KIF6: variants seen among roughly 807,000 people sequenced by gnomAD.
KIF6 encodes kinesin family member 6, also known as kinesin-like protein KIF6.
In KIF6, 106 loss-of-function variants were observed where a neutral mutation model predicts 112.7. The observed-to-expected ratio is 0.94, with a 90% CI of 0.80 to 1.11. KIF6 has a LOEUF of 1.11. Among genes scored for constraint, KIF6 ranks in the 50% least tolerant of loss-of-function variants. The probability of loss-of-function intolerance (pLI) is 0.00; values close to 1 mark genes in which losing one functional copy is unlikely to be tolerated. For missense variants in KIF6, 929 were observed against 964.0 expected (o/e 0.96, Z 0.48); for synonymous variants, 339 against 339.9 (o/e 1.00, Z 0.03).
intron 3 of KIF6, among the ~76,000 whole-genome samples, chr6:39,645,592 A>C (rs1433879911): frequency 6.6e-6 from 1 of 152,122 alleles, no homozygotes; most frequent in African/African-American, 2.4e-5. Flanking sequence ...ATCGATGTTC[A>C]TCAGGGATAT....
chr6:39,464,078 C>T (rs1773644763), intron 13 of KIF6, among the ~76,000 whole-genome samples: 1 of 152,112 alleles, frequency 6.6e-6, no homozygotes. Context: ...GATAGACTGG[C>T]AGGGGCCAGG....
At chr6:39,410,462 T>C (rs1769402796) in intron 15 of KIF6, among the ~76,000 whole-genome samples, 1 of 152,160 alleles carries the variant, frequency 6.6e-6, no homozygotes, top group Admixed American at 6.5e-5. Flanking sequence ...CCTAAATGAG[T>C]TGAGTGTGAA....
intron 18 of KIF6, among the ~76,000 whole-genome samples, chr6:39,359,235 T>C (rs1162486353): frequency 6.6e-6 from 1 of 152,200 alleles, no homozygotes; most frequent in Non-Finnish European, 1.5e-5. Flanking sequence ...GATCTGATTG[T>C]GCGTATTTTA....
intron 15 of KIF6, 135 bp from the exon 16 acceptor site, chr6:39,385,807 C>T (rs1213980648): frequency 3.0e-6 from 2 of 669,498 alleles, no homozygotes; most frequent in South Asian, 1.8e-5. Context: ...GCATAGCTTC[C>T]AAGAAATGAC....
intron 13 of KIF6, among the ~76,000 whole-genome samples, chr6:39,478,237 T>C (rs1006230663): frequency 6.6e-6 from 1 of 152,124 alleles, no homozygotes; most frequent in Non-Finnish European, 1.5e-5. Context: ...ATTGTGTCAT[T>C]CTTATGCCTT....
chr6:39,392,845 T>A (rs976846006), intron 15 of KIF6, among the ~76,000 whole-genome samples: 1 of 152,154 alleles, frequency 6.6e-6, no homozygotes, highest in Admixed American at 6.5e-5. Context: ...AAGAAGCAAA[T>A]GGAGGCAAAT....
At chr6:39,364,374 C>T (rs555841436) in intron 16 of KIF6, among the ~76,000 whole-genome samples, 1 of 152,268 alleles carries the variant, frequency 6.6e-6, no homozygotes, top group East Asian at 1.9e-4. Context: ...CCACCTCGGC[C>T]TCCTAAAGTG....
chr6:39,675,895 C>T (rs1472508086), intron 3 of KIF6, among the ~76,000 whole-genome samples: 2 of 151,540 alleles, frequency 1.3e-5, no homozygotes, highest in South Asian at 2.1e-4. Flanking sequence ...GCTTAATGAA[C>T]TAGAAGAAAT....
intron 13 of KIF6, among the ~76,000 whole-genome samples, chr6:39,504,179 C>G (rs1215256752): frequency 6.6e-6 from 1 of 152,096 alleles, no homozygotes; most frequent in Non-Finnish European, 1.5e-5. Flanking sequence ...GGCTTCATCC[C>G]CAGGATGCAA....
intron 3 of KIF6, among the ~76,000 whole-genome samples, chr6:39,659,644 G>A (rs1786013656): frequency 1.3e-5 from 2 of 152,148 alleles, no homozygotes; most frequent in African/African-American, 2.4e-5. Flanking sequence ...GGTTTTATAA[G>A]GGGCTTTTCC....
intron 16 of KIF6, among the ~76,000 whole-genome samples, chr6:39,384,229 G>A (rs554995665): frequency 6.6e-6 from 1 of 152,282 alleles, no homozygotes; most frequent in East Asian, 1.9e-4. Context: ...GATGTTTCAG[G>A]GCCAGGTGGC....
intron 14 of KIF6, among the ~76,000 whole-genome samples, chr6:39,424,920 A>T (rs973557246): frequency 6.6e-6 from 1 of 152,228 alleles, no homozygotes; most frequent in African/African-American, 2.4e-5. Context: ...AATGGAAATG[A>T]AAAGGATGGA....
intron 5 of KIF6, among the ~76,000 whole-genome samples, chr6:39,620,696 CAT>C (rs1179637177): frequency 6.6e-6 from 1 of 152,090 alleles, no homozygotes; most frequent in African/African-American, 2.4e-5. Flanking sequence ...GCAGATTTGT[CAT>C]AAAATTATAA....
At chr6:39,596,807 A>T (rs2150687129) in intron 6 of KIF6, among the ~76,000 whole-genome samples, 1 of 152,344 alleles carries the variant, frequency 6.6e-6, no homozygotes, top group South Asian at 2.1e-4. Context: ...GTACAAAAAA[A>T]TATGGTGGTC....
chr6:39,711,925 A>C (rs1021264627), intron 3 of KIF6, among the ~76,000 whole-genome samples: 3 of 152,178 alleles, frequency 2.0e-5, no homozygotes, highest in Non-Finnish European at 4.4e-5. Context: ...GACAGAGACA[A>C]AGTTTTTGAT....
At chr6:39,657,251 GAA>G (rs542765212) in intron 3 of KIF6, among the ~76,000 whole-genome samples, 14 of 135,738 alleles carry the variant, frequency 1.0e-4, no homozygotes, top group African/African-American at 3.5e-4. Context: ...AAAGAAAAAA[GAA>G]AAAAAAAAAG....
At chr6:39,455,549 G>T (rs1773020556) in intron 13 of KIF6, among the ~76,000 whole-genome samples, 2 of 152,186 alleles carry the variant, frequency 1.3e-5, no homozygotes, top group African/African-American at 4.8e-5. Flanking sequence ...AAGGAAGAAG[G>T]CTTCAGACGA....
intron 15 of KIF6, among the ~76,000 whole-genome samples, chr6:39,415,325 A>G (rs77972697): frequency 8.3e-6 from 1 of 120,820 alleles, no homozygotes; most frequent in Non-Finnish European, 1.8e-5. Flanking sequence ...AAAAAAAAAA[A>G]GGCCAAATGG....
intron 10 of KIF6, among the ~76,000 whole-genome samples, chr6:39,550,681 C>G (rs1411744025): frequency 6.6e-6 from 1 of 152,096 alleles, no homozygotes; most frequent in Admixed American, 6.5e-5. Flanking sequence ...TTTGACAGCT[C>G]ATTCCAGAGA....
Sources: allele counts gnomAD v4.1 joint callset (sites outside exome capture counted in the v4.1 genomes callset), GRCh38; gene constraint gnomAD v4.1.1; transcripts MANE v1.5; gene names NCBI Gene and HGNC (gene_info 2026-07-23, HGNC 2026-07-21).